IQGAP2: variants seen among roughly 807,000 people sequenced by gnomAD.
The protein encoded by IQGAP2 is IQ motif containing GTPase activating protein 2.
IQGAP2 carries 173 observed loss-of-function variants against 201.3 expected under a neutral mutation model. The ratio of observed to expected loss-of-function variants is 0.86; its 90% CI spans 0.76 to 0.98. IQGAP2 has a LOEUF of 0.98. Ranked by LOEUF, IQGAP2 falls within the 50% of genes least tolerant of loss-of-function variation. IQGAP2 has a pLI of 0.00. For missense variants in IQGAP2, 1,687 were observed against 1,864.8 expected (o/e 0.90, Z 1.76); for synonymous variants, 675 against 673.9 (o/e 1.00, Z -0.03).
intron 2 of IQGAP2, among the ~76,000 whole-genome samples, chr5:76,527,959 T>G (rs1580385644): frequency 6.6e-6 from 1 of 152,360 alleles, no homozygotes; most frequent in African/African-American, 2.4e-5. Flanking sequence ...CACTTACAGA[T>G]GCACATGCTG....
intron 13 of IQGAP2, among the ~76,000 whole-genome samples, chr5:76,620,846 A>G (rs1749586090): frequency 6.6e-6 from 1 of 152,224 alleles, no homozygotes; most frequent in Non-Finnish European, 1.5e-5. Context: ...AAACACATCA[A>G]CTATATGCTA....
intron 10 of IQGAP2, among the ~76,000 whole-genome samples, chr5:76,599,573 G>A (rs968828649): frequency 1.3e-5 from 2 of 151,978 alleles, no homozygotes; most frequent in East Asian, 3.9e-4. Context: ...TGTTAAACTT[G>A]TATTTAATGT....
intron 2 of IQGAP2, among the ~76,000 whole-genome samples, chr5:76,463,283 G>T (rs550466565): frequency 6.6e-6 from 1 of 152,218 alleles, no homozygotes; most frequent in South Asian, 2.1e-4. Context: ...GTGGGAAGGG[G>T]TGTCATGTAG....
intron 1 of IQGAP2, among the ~76,000 whole-genome samples, chr5:76,416,436 C>T (rs773813774): frequency 6.6e-5 from 10 of 152,208 alleles, no homozygotes; most frequent in Admixed American, 4.6e-4. Context: ...CAATGAGAGA[C>T]GAGAAGCACT....
rs75242513 is a variant in IQGAP2 at position 76,527,378 on chromosome 5, C to G, written c.147-35018C>G. On this transcript the variant is annotated intron_variant, in intron 2 of 35. Coordinates refer to ENST00000274364, the MANE Select transcript of IQGAP2 (RefSeq NM_006633.5). ...TTAAGGACCTGAATGACTTCTCCAA[C>G]TCTGCCAGGGATCCTTCATTAGCCC... Among the ~76,000 whole-genome samples the G allele has an allele frequency of 2.0e-3, 307 of 152,326 alleles. 1 individual carries two copies. Among genetic ancestry groups the G allele is most frequent in the African/African-American group, 7.0e-3 (292 of 41,572 alleles).
chr5:76,636,024 A>G (rs935624118), intron 15 of IQGAP2, among the ~76,000 whole-genome samples: 8 of 152,246 alleles, frequency 5.3e-5, no homozygotes, highest in Non-Finnish European at 8.8e-5. Context: ...CTTCCTGGGC[A>G]TTGACAAACA....
At chr5:76,487,066 AT>A (rs901868060) in intron 2 of IQGAP2, among the ~76,000 whole-genome samples, 5 of 150,520 alleles carry the variant, frequency 3.3e-5, no homozygotes, top group African/African-American at 1.2e-4. Context: ...ACACACTTTG[AT>A]TGCTGTGTAA....
chr5:76,623,360 T>C (rs1749902239), intron 13 of IQGAP2: 3 of 1,083,374 alleles, frequency 2.8e-6, no homozygotes, highest in Admixed American at 2.3e-5. Flanking sequence ...TGCTCTCCTG[T>C]GCCGTGCAGG....
intron 1 of IQGAP2, among the ~76,000 whole-genome samples, chr5:76,458,462 A>G (rs538017850): frequency 1.8e-4 from 27 of 152,358 alleles, no homozygotes; most frequent in African/African-American, 5.8e-4. Flanking sequence ...TCTGTGGCCC[A>G]GAAGGACTTG....
intron 2 of IQGAP2, among the ~76,000 whole-genome samples, chr5:76,462,908 A>G (rs1245378206): frequency 6.6e-6 from 1 of 152,174 alleles, no homozygotes. Flanking sequence ...CTAGCGATTC[A>G]CTATCAGTCT....
intron 2 of IQGAP2, among the ~76,000 whole-genome samples, chr5:76,491,174 T>C (rs1178493838): frequency 3.9e-5 from 6 of 152,184 alleles, no homozygotes; most frequent in African/African-American, 1.2e-4. Flanking sequence ...ATGATGTGTT[T>C]GTATAAACAT....
At chr5:76,557,068 T>A (rs183186063) in intron 2 of IQGAP2, among the ~76,000 whole-genome samples, 54 of 152,344 alleles carry the variant, frequency 3.5e-4, no homozygotes, top group African/African-American at 1.2e-3. Context: ...ACAACATCTA[T>A]GTCTCCAAGC....
chr5:76,458,431 C>A (rs1754226266), intron 1 of IQGAP2, among the ~76,000 whole-genome samples: 3 of 152,106 alleles, frequency 2.0e-5, no homozygotes, highest in Admixed American at 6.6e-5. Context: ...TTGAGTAATG[C>A]AGAAATATTT....
At chr5:76,548,442 G>C (rs1308378115) in intron 2 of IQGAP2, among the ~76,000 whole-genome samples, 1 of 152,208 alleles carries the variant, frequency 6.6e-6, no homozygotes, top group Non-Finnish European at 1.5e-5. Flanking sequence ...TTTTAGAAAA[G>C]GTTTCACCTA....
intron 2 of IQGAP2, among the ~76,000 whole-genome samples, chr5:76,558,587 G>A (rs1295657916): frequency 1.3e-5 from 2 of 152,206 alleles, no homozygotes; most frequent in Admixed American, 6.5e-5. Flanking sequence ...TCTTACTTCA[G>A]TTTATTTGAC....
chr5:76,645,204 A>ATT (rs1201144131), intron 17 of IQGAP2, among the ~76,000 whole-genome samples: 1 of 151,512 alleles, frequency 6.6e-6, no homozygotes, highest in East Asian at 1.9e-4. Flanking sequence ...GCTGCATAGT[A>ATT]TTCCATGGTG....
intron 35 of IQGAP2, among the ~76,000 whole-genome samples, chr5:76,703,979 C>T (rs749452771): frequency 4.5e-4 from 68 of 152,162 alleles, no homozygotes; most frequent in Non-Finnish European, 7.6e-4. Context: ...TTCTGGCAGC[C>T]CTTGTAAGTT....
intron 20 of IQGAP2, among the ~76,000 whole-genome samples, chr5:76,656,834 A>G (rs539935800): frequency 6.6e-6 from 1 of 152,020 alleles, no homozygotes; most frequent in East Asian, 1.9e-4. Context: ...CCAAAACATA[A>G]ATTTTCATTT....
intron 2 of IQGAP2, among the ~76,000 whole-genome samples, chr5:76,473,145 C>A (rs1755213703): frequency 6.6e-6 from 1 of 152,126 alleles, no homozygotes; most frequent in African/African-American, 2.4e-5. Flanking sequence ...ACATACTGTC[C>A]CATTTCTTTA....
Sources: allele counts gnomAD v4.1 joint callset (sites outside exome capture counted in the v4.1 genomes callset), GRCh38; gene constraint gnomAD v4.1.1; transcripts MANE v1.5; gene names NCBI Gene and HGNC (gene_info 2026-07-23, HGNC 2026-07-21).